NPTX1: variants seen among roughly 807,000 people sequenced by gnomAD.
The protein encoded by NPTX1 is neuronal pentraxin-1.
In NPTX1, 12 loss-of-function variants were observed where a neutral mutation model predicts 38.7. The ratio of observed to expected loss-of-function variants is 0.31; its 90% CI spans 0.20 to 0.50. NPTX1 has a LOEUF of 0.50. NPTX1 is among the 20% of genes least tolerant of loss of function. The pLI is 0.98. For synonymous variants in NPTX1, 272 were observed against 264.9 expected, an observed-to-expected ratio of 1.03 and a Z score of -0.26; for missense variants, 454 against 592.2, an observed-to-expected ratio of 0.77 and a Z score of 2.42.
At position 80,470,962 on chromosome 17, in the gene NPTX1, G is replaced by A. The variant is rs762757697; in HGVS notation, c.1150C>T (p.Arg384Cys). The A allele has an allele frequency of 1.1e-5, 17 of 1,613,606 alleles. No homozygotes were observed. Among genetic ancestry groups the A allele is most frequent in the South Asian group, 6.6e-5 (6 of 91,070 alleles). ...GELAHFNIWD[R>C]KLTPGEVYNL... ...TACACCTCCCCGGGGGTCAGCTTGC[G>A]GTCCCAGATGTTGAAGTGGGCCAGC... The change falls in exon 5 of 5, where the codon CGC becomes TGC. Residue 384 changes from arginine (R) to cysteine (C), a missense_variant. Coordinates refer to ENST00000306773, the MANE Select transcript of NPTX1 (RefSeq NM_002522.4).
Position 80,476,286 on chromosome 17 carries a change from A to G in NPTX1, c.161T>C (p.Leu54Pro), listed in dbSNP as rs1449545348. The change falls in exon 1 of 5, where the codon CTC (leucine) becomes CCC (proline). Residue 54 changes from leucine to proline, a missense_variant. Coordinates refer to ENST00000306773, the MANE Select transcript of NPTX1 (RefSeq NM_002522.4). The surrounding 1 kb of genome is among the most constrained non-coding windows in gnomAD (Gnocchi z 6.3). ...GCGGAGCTGCAGCACGCTGCTCCGGAGCTCCTCGGCGCCGCCGGCGGCCAC... is the reference window on the plus strand; with the variant it reads ...GCGGAGCTGCAGCACGCTGCTCCGGGGCTCCTCGGCGCCGCCGGCGGCCAC... The part of the protein sequence containing the change: ...ASVAAGGAEE[L>P]RSSVLQLRET... 1.3e-6 allele frequency: 2 copies of G among 1,562,994 alleles called. No individual in the cohort carries two copies. The highest frequency in any genetic ancestry group is 1.7e-6 in the Non-Finnish European group (2 of 1,162,408).
chr17:80,470,290 T>C lies in NPTX1; in HGVS notation c.*523A>G, dbSNP rs2083831887. 6.6e-6 allele frequency: 1 copy of C among 152,452 alleles called. No individual in the cohort carries two copies. Among genetic ancestry groups the C allele is most frequent in the African/African-American group, 2.4e-5 (1 of 41,414 alleles). The allele number at this position is 152,452 out of a possible 1,614,324, so 9.4% of individuals were successfully genotyped here. A position where few individuals can be genotyped will look rare whatever the true frequency, so the allele number is the denominator to read the frequency against. On this transcript the variant is annotated 3_prime_UTR_variant, in exon 5 of 5. Transcript: ENST00000306773. ...GACATTTATTACATCAATATAAAGA[T>C]ATGTCGCTCTGAGAAAGGTTTGCAA...
At position 80,469,615 on chromosome 17, in the gene NPTX1, G is replaced by C. The variant is rs2083827379; in HGVS notation, c.*1198C>G. 6.6e-6 allele frequency: 1 copy of C among 152,392 alleles called. No individual in the cohort carries two copies. The highest frequency in any genetic ancestry group is 2.1e-4 in the South Asian group (1 of 4,830). The allele number at this position is 152,392 out of a possible 1,614,324, so 9.4% of individuals were successfully genotyped here. A position where few individuals can be genotyped will look rare whatever the true frequency, so the allele number is the denominator to read the frequency against. ...CAGGCCCCTGCCCTGGCCAGGCCTGGCTCCACACGTGAGGTCTCTGGAGTA... is the reference window on the plus strand; with the variant it reads ...CAGGCCCCTGCCCTGGCCAGGCCTGCCTCCACACGTGAGGTCTCTGGAGTA... On this transcript the variant is annotated 3_prime_UTR_variant, in exon 5 of 5. Coordinates refer to ENST00000306773, the MANE Select transcript of NPTX1 (RefSeq NM_002522.4).
Position 80,469,049 on chromosome 17 carries a change from G to A in NPTX1, c.*1764C>T, listed in dbSNP as rs11655574. On this transcript the variant is annotated 3_prime_UTR_variant, in exon 5 of 5. Coordinates refer to ENST00000306773, the MANE Select transcript of NPTX1 (RefSeq NM_002522.4). ...GGCCGGGTACCGTGCAGACACCCACGAGAACACTGACACAGAGACACTGAC... is the reference window on the plus strand; with the variant it reads ...GGCCGGGTACCGTGCAGACACCCACAAGAACACTGACACAGAGACACTGAC... 48,915 of 152,270 alleles carry A rather than the reference G, an allele frequency of 0.32. 8,632 individuals carry two copies. Among genetic ancestry groups the A allele is most frequent in the Admixed American group, 0.47 (7,180 of 15,268 alleles). The allele number at this position is 152,270 out of a possible 1,614,324, so 9.4% of individuals were successfully genotyped here.
chr17:80,466,885 T>C lies in NPTX1; in HGVS notation c.*3928A>G, dbSNP rs1370838827. 7.1e-6 allele frequency among the ~76,000 whole-genome samples: 1 copy of C among 140,946 alleles called. No homozygotes were observed. Among genetic ancestry groups the C allele is most frequent in the Non-Finnish European group, 1.6e-5 (1 of 63,536 alleles). 92.5% of individuals were successfully genotyped at this position (140,946 alleles called of 152,430 possible). A position where few individuals can be genotyped will look rare whatever the true frequency, so the allele number is the denominator to read the frequency against. On this transcript the variant is annotated 3_prime_UTR_variant, in exon 5 of 5. Transcript: ENST00000306773. ...AAATAAACTCAACAATTCATGTCAT[T>C]TCAGCAAGAAAATGAAAAAAAAAAA... is the stretch of plus-strand genomic sequence containing the variant.
At chr17:80,473,125 C>G (rs1733724130) in intron 3 of NPTX1, 75 bp downstream of exon 3, 2 of 1,552,266 alleles carry the variant, frequency 1.3e-6, no homozygotes, top group African/African-American at 1.4e-5. Flanking sequence ...CACCATAGCC[C>G]TGTCTCCGCA....
chr17:80,466,911 AAAAG>A lies in NPTX1; in HGVS notation c.*3898_*3901del, dbSNP rs1195708051. 6.6e-6 allele frequency among the ~76,000 whole-genome samples: 1 copy of A among 151,972 alleles called. No homozygotes were observed. Among genetic ancestry groups the A allele is most frequent in the Non-Finnish European group, 1.5e-5 (1 of 67,974 alleles). On this transcript the variant is annotated 3_prime_UTR_variant, in exon 5 of 5. Transcript: ENST00000306773. ...TCAGCAAGAAAATGAAAAAAAAAAA[AAAAG>A]CAAGAATACCAGTAGAAATAGTGCA... is the stretch of plus-strand genomic sequence containing the variant.
Position 80,467,332 on chromosome 17 carries a change from T to G in NPTX1, c.*3481A>C, listed in dbSNP as rs2083811926. The G allele has an allele frequency of 6.6e-6, 1 of 152,660 alleles. No individual in the cohort carries two copies. The highest frequency in any genetic ancestry group is 1.5e-5 in the Non-Finnish European group (1 of 68,046). The allele number at this position is 152,660 out of a possible 1,614,324, so 9.5% of individuals were successfully genotyped here. The stretch of plus-strand genomic sequence containing the variant: ...AACCACGACTTCGTCAAGCCACATT[T>G]GGTTGCCATAAGATTCCAAAGGATT... On this transcript the variant is annotated 3_prime_UTR_variant, in exon 5 of 5. Transcript: ENST00000306773.
chr17:80,475,879 C>A lies in NPTX1; in HGVS notation c.444+124G>T. 1 of 892,518 alleles carries A rather than the reference C, an allele frequency of 1.1e-6. No homozygotes were observed. Among genetic ancestry groups the A allele is most frequent in the African/African-American group, 1.8e-5 (1 of 54,830 alleles). 55.3% of individuals were successfully genotyped at this position (892,518 alleles called of 1,614,324 possible). ...GGGCCTCGCAGGCGCGGGGAGGCAC[C>A]GGCCGGGCACCCGCGCGGCTGAGGC... On this transcript the variant is annotated intron_variant, in intron 1 of 4. Coordinates refer to ENST00000306773, the MANE Select transcript of NPTX1 (RefSeq NM_002522.4). This position sits in a 1 kb window ranked among gnomAD's most constrained non-coding sequence, Gnocchi z 6.5.
At position 80,470,789 on chromosome 17, in the gene NPTX1, C is replaced by T. The variant is rs1416801441; in HGVS notation, c.*24G>A. The T allele has an allele frequency of 4.7e-6, 7 of 1,502,678 alleles. No individual in the cohort carries two copies. The highest frequency in any genetic ancestry group is 1.2e-5 in the South Asian group (1 of 83,670). 93.1% of individuals were successfully genotyped at this position (1,502,678 alleles called of 1,614,324 possible). ...CGCACAAGCAGGGGGCGAGGGCGGG[C>T]GGGCTCAGCCTGGCCTGCCGTGCTC... On this transcript the variant is annotated 3_prime_UTR_variant, in exon 5 of 5. Transcript: ENST00000306773.
rs749710968 is a variant in NPTX1 at position 80,475,548 on chromosome 17, C to G, written c.615G>C (p.Leu205=). ...TEERVKIETA[L]TSLHQRISEL... ...CGCTGATCCGCTGGTGCAGGGAGGT[C>G]AGGGCGGTCTCGATCTTGACCCTCT... The change falls in exon 2 of 5, where the codon CTG becomes CTC. Residue 205 remains leucine (L), a synonymous_variant. Coordinates refer to ENST00000306773, the MANE Select transcript of NPTX1 (RefSeq NM_002522.4). This position sits in a 1 kb window ranked among gnomAD's most constrained non-coding sequence, Gnocchi z 6.5. 1.2e-6 allele frequency: 2 copies of G among 1,612,804 alleles called. No homozygotes were observed. Among genetic ancestry groups the G allele is most frequent in the Admixed American group, 3.3e-5 (2 of 60,008 alleles).
chr17:80,474,300 C>A (rs1388218222), intron 2 of NPTX1: 1 of 152,198 alleles, frequency 6.6e-6, no homozygotes, highest in Non-Finnish European at 1.5e-5. Context: ...CTGTGGCACC[C>A]TGGGTATGGT....
At position 80,475,981 on chromosome 17, in the gene NPTX1, G is replaced by C; in HGVS notation, c.444+22C>G. 1.3e-6 allele frequency: 2 copies of C among 1,591,416 alleles called. No individual in the cohort carries two copies. Among genetic ancestry groups the C allele is most frequent in the Admixed American group, 1.7e-5 (1 of 59,496 alleles). On this transcript the variant is annotated intron_variant, in intron 1 of 4. Coordinates refer to ENST00000306773, the MANE Select transcript of NPTX1 (RefSeq NM_002522.4). This position sits in a 1 kb window ranked among gnomAD's most constrained non-coding sequence, Gnocchi z 6.5. The stretch of plus-strand genomic sequence containing the variant: ...GGGCGAGCGAGCCGGAGGGGGAACC[G>C]GAGCCGAGGGCGCGCGCGGACCTCG...
chr17:80,475,399 G>T lies in NPTX1; in HGVS notation c.652+112C>A. ...AAGCGGTGCAGGGGTTGGGGGTAGCGGAGCGGCTTGAGGCTTGCACAGTGC... is the reference window on the plus strand; with the variant it reads ...AAGCGGTGCAGGGGTTGGGGGTAGCTGAGCGGCTTGAGGCTTGCACAGTGC... On this transcript the variant is annotated intron_variant, in intron 2 of 4. Transcript: ENST00000306773. The surrounding 1 kb of genome is among the most constrained non-coding windows in gnomAD (Gnocchi z 6.5). 1.3e-6 allele frequency: 1 copy of T among 777,488 alleles called. No individual in the cohort carries two copies. The highest frequency in any genetic ancestry group is 2.0e-6 in the Non-Finnish European group (1 of 492,308). The allele number at this position is 777,488 out of a possible 1,614,324, so 48.2% of individuals were successfully genotyped here. A position where few individuals can be genotyped will look rare whatever the true frequency, so the allele number is the denominator to read the frequency against.
At position 80,469,543 on chromosome 17, in the gene NPTX1, G is replaced by A. The variant is rs1380130734; in HGVS notation, c.*1270C>T. The A allele has an allele frequency of 6.6e-6, 1 of 152,292 alleles. No homozygotes were observed. The highest frequency in any genetic ancestry group is 1.9e-4 in the East Asian group (1 of 5,196). 9.4% of individuals were successfully genotyped at this position (152,292 alleles called of 1,614,324 possible). A position where few individuals can be genotyped will look rare whatever the true frequency, so the allele number is the denominator to read the frequency against. ...CAGTGTCGCCGGCCAGTGGCAGCTT[G>A]TGGGCTGCTGTAGGCCGTGAGCCCC... is the stretch of plus-strand genomic sequence containing the variant. On this transcript the variant is annotated 3_prime_UTR_variant, in exon 5 of 5. Transcript: ENST00000306773.
chr17:80,472,228 G>A (rs576142922), intron 3 of NPTX1, among the ~76,000 whole-genome samples: 100 of 152,172 alleles, frequency 6.6e-4, no homozygotes, highest in Non-Finnish European at 1.2e-3. Flanking sequence ...TCTACACCAG[G>A]GAGAGCCGTC....
At chr17:80,471,083 G>C in intron 4 of NPTX1, 49 bp from the exon 5 acceptor site, 1 of 1,442,738 alleles carries the variant, frequency 6.9e-7, no homozygotes, top group South Asian at 1.3e-5. Context: ...CAGGTGGTCT[G>C]GGGGCCCATC....
At chr17:80,472,128 G>A (rs975904966) in intron 3 of NPTX1, among the ~76,000 whole-genome samples, 2 of 152,230 alleles carry the variant, frequency 1.3e-5, no homozygotes, top group Non-Finnish European at 2.9e-5. Flanking sequence ...AGGCTCTACC[G>A]AGGGAACCCC....
At position 80,470,313 on chromosome 17, in the gene NPTX1, C is replaced by G. The variant is rs904755141; in HGVS notation, c.*500G>C. 6.6e-6 allele frequency: 1 copy of G among 152,524 alleles called. No individual in the cohort carries two copies. Among genetic ancestry groups the G allele is most frequent in the African/African-American group, 2.4e-5 (1 of 41,442 alleles). 9.4% of individuals were successfully genotyped at this position (152,524 alleles called of 1,614,324 possible). A position where few individuals can be genotyped will look rare whatever the true frequency, so the allele number is the denominator to read the frequency against. On this transcript the variant is annotated 3_prime_UTR_variant, in exon 5 of 5. Coordinates refer to ENST00000306773, the MANE Select transcript of NPTX1 (RefSeq NM_002522.4). ...GATATGTCGCTCTGAGAAAGGTTTGCAAACAAAGACAAATGCGTGTACTGA... is the reference window on the plus strand; with the variant it reads ...GATATGTCGCTCTGAGAAAGGTTTGGAAACAAAGACAAATGCGTGTACTGA...
Sources: gnomAD v4.1 joint callset for allele counts (sites outside exome capture counted in the v4.1 genomes callset) on GRCh38, gnomAD v4.1.1 for gene constraint, Gnocchi (gnomAD v3.1) non-coding constraint, MANE v1.5 for transcripts, NCBI Gene and HGNC (gene_info 2026-07-23, HGNC 2026-07-21) for gene names.